TJP3: variants seen among roughly 807,000 people sequenced by gnomAD.
TJP3 encodes tight junction protein 3.
TJP3 carries 85 observed loss-of-function variants against 104.2 expected under a neutral mutation model. That is an observed-to-expected ratio of 0.82 (90% CI 0.68 to 0.98). TJP3 has a LOEUF of 0.98. TJP3 is among the 50% of genes least tolerant of loss of function. TJP3 has a pLI of 0.00. For synonymous variants in TJP3, 550 were observed against 550.6 expected, an observed-to-expected ratio of 1.00 and a Z score of 0.02; for missense variants, 1,367 against 1,322.8, an observed-to-expected ratio of 1.03 and a Z score of -0.52.
At position 3,709,255 on chromosome 19, in the gene TJP3, C is replaced by T. The variant is rs112164535; in HGVS notation, c.-10+694C>T. Reference sequence around the variant, plus strand: ...GGATTACAAGCGCCCACCACTATGCCCAGCTAATTTTTGTATTTTTAGTAG... The same window carrying T: ...GGATTACAAGCGCCCACCACTATGCTCAGCTAATTTTTGTATTTTTAGTAG... On this transcript the variant is annotated intron_variant, in intron 1 of 20. Transcript: ENST00000541714. Among the ~76,000 whole-genome samples, 1,511 of 152,210 alleles carry T rather than the reference C, an allele frequency of 9.9e-3. 27 individuals carry two copies. The highest frequency in any genetic ancestry group is 0.034 in the African/African-American group (1,418 of 41,528).
Position 3,730,004 on chromosome 19 carries a change from G to GT in TJP3, c.159-23dup. 6.2e-7 allele frequency: 1 copy of GT among 1,609,380 alleles called. No homozygotes were observed. Among genetic ancestry groups the GT allele is most frequent in the African/African-American group, 1.3e-5 (1 of 74,870 alleles). On this transcript the variant is annotated intron_variant, in intron 3 of 20. Transcript: ENST00000541714. The surrounding 1 kb of genome is among the most constrained non-coding windows in gnomAD (Gnocchi z 7.3). ...GGGTCTCCCCTGCAAAGCCTCCTCC[G>GT]TAAGACCCGCCCTCCTCTCTCAGGA...
At chr19:3,745,882 G>A in intron 15 of TJP3, 129 bp from the exon 16 acceptor site, 1 of 744,124 alleles carries the variant, frequency 1.3e-6, no homozygotes, top group South Asian at 1.8e-5. Flanking sequence ...TTCTGCTGCT[G>A]TTAGGATTTC....
chr19:3,728,467 C>A lies in TJP3; in HGVS notation c.35C>A (p.Ala12Asp). Residue 12 changes from alanine to aspartate, a missense_variant, in exon 2 of 21, where the codon GCC becomes GAC. Transcript: ENST00000541714. The part of the protein sequence containing the change: ...EELTIWEQHT[A>D]TLSKDPRRGF... ...CTGACCATCTGGGAACAGCACACGG[C>A]CACACTGTCCAAGGTGAGGCCTCCC... 1 of 1,612,356 alleles carries A rather than the reference C, an allele frequency of 6.2e-7. No individual in the cohort carries two copies. The highest frequency in any genetic ancestry group is 8.5e-7 in the Non-Finnish European group (1 of 1,179,396).
chr19:3,738,846 T>C, intron 12 of TJP3, 51 bp from the exon 13 acceptor site: 1 of 1,510,600 alleles, frequency 6.6e-7, no homozygotes. Context: ...TGGGGAGGGC[T>C]CAGATCAGGC....
At position 3,746,555 on chromosome 19, in the gene TJP3, T is replaced by C. The variant is rs373854077; in HGVS notation, c.2081T>C (p.Ile694Thr). The C allele has an allele frequency of 6.1e-5, 99 of 1,613,998 alleles. No homozygotes were observed. Among genetic ancestry groups the C allele is most frequent in the Admixed American group, 2.7e-4 (16 of 60,014 alleles). Reference protein sequence around the residue: ...ERLNYVQYYPIVVFFIPESRP... With the variant: ...ERLNYVQYYPTVVFFIPESRP... Reference sequence around the variant, plus strand: ...CTCAACTATGTGCAGTACTACCCCATTGTGGTCTTCTTCATCCCCGAGAGC... The same window carrying C: ...CTCAACTATGTGCAGTACTACCCCACTGTGGTCTTCTTCATCCCCGAGAGC... Residue 694 changes from isoleucine (I) to threonine (T), a missense_variant, in exon 17 of 21, where the codon ATT (isoleucine) becomes ACT (threonine). Ile to Thr is a moderately conservative substitution (Grantham distance 89). Transcript: ENST00000541714. This position sits in a 1 kb window ranked among gnomAD's most constrained non-coding sequence, Gnocchi z 4.1.
Position 3,743,133 on chromosome 19 carries a change from G to A in TJP3, c.1844-806G>A, listed in dbSNP as rs76410952. The stretch of plus-strand genomic sequence containing the variant: ...ACAAAAATTAGCCAGGCATGGTGGC[G>A]CACGCCTGTAATCCCAGCTACTCAG... On this transcript the variant is annotated intron_variant, in intron 14 of 20. Coordinates refer to ENST00000541714, the MANE Select transcript of TJP3 (RefSeq NM_001267560.2). Among the ~76,000 whole-genome samples, 135 of 151,616 alleles carry A rather than the reference G, an allele frequency of 8.9e-4. No individual in the cohort carries two copies. The East Asian group carries it at 0.022, about 25-fold the overall frequency.
Position 3,733,789 on chromosome 19 carries a change from G to C in TJP3, c.754G>C (p.Asp252His), listed in dbSNP as rs770363841. 1.2e-5 allele frequency: 19 copies of C among 1,614,048 alleles called. No homozygotes were observed. Among genetic ancestry groups the C allele is most frequent in the Non-Finnish European group, 1.6e-5 (19 of 1,180,046 alleles). ...GTCTAGCCAGAACCTGTCACTGAACGACACCCGGCGACTGATTGAGAAGTC... is the reference window on the plus strand; with the variant it reads ...GTCTAGCCAGAACCTGTCACTGAACCACACCCGGCGACTGATTGAGAAGTC... The part of the protein sequence containing the change: ...GVSSQNLSLN[D>H]TRRLIEKSEG... The change falls in exon 7 of 21, where the codon GAC becomes CAC. Residue 252 changes from aspartate (D) to histidine (H), a missense_variant. By Grantham distance (81) the Asp-to-His change is moderately conservative. Transcript: ENST00000541714.
chr19:3,748,063 G>T lies in TJP3; in HGVS notation c.2592G>T (p.Ser864=). Residue 864 remains serine (S), a synonymous_variant, in exon 19 of 21, where the codon TCG becomes TCT. Transcript: ENST00000541714. ...GCCCGAGGGATCGTGGGAGAATCTC[G>T]GCTCATCAGGGGGCCCAGGTGCGTC... is the stretch of plus-strand genomic sequence containing the variant. ...SQSPRDRGRI[S]AHQGAQVDSR... The T allele has an allele frequency of 1.3e-6, 2 of 1,574,192 alleles. No homozygotes were observed. The highest frequency in any genetic ancestry group is 8.6e-7 in the Non-Finnish European group (1 of 1,159,804).
intron 11 of TJP3, 62 bp from the exon 12 acceptor site, chr19:3,738,493 G>A: frequency 6.9e-7 from 1 of 1,443,662 alleles, no homozygotes; most frequent in Non-Finnish European, 9.6e-7. Flanking sequence ...GAAGGTCCAG[G>A]ATCTCATGCA....
At chr19:3,744,884 C>T (rs937201847) in intron 15 of TJP3, among the ~76,000 whole-genome samples, 31 of 151,988 alleles carry the variant, frequency 2.0e-4, no homozygotes, top group African/African-American at 7.2e-4. Flanking sequence ...GCAGAGATCA[C>T]GCCACTGCGC....
Position 3,733,638 on chromosome 19 carries a change from T to C in TJP3, c.718-115T>C, listed in dbSNP as rs1297294788. The C allele has an allele frequency of 2.0e-6, 3 of 1,473,128 alleles. No individual in the cohort carries two copies. The Admixed American group carries it at 5.6e-5, about 27-fold the overall frequency. The allele number at this position is 1,473,128 out of a possible 1,614,324, so 91.3% of individuals were successfully genotyped here. ...AACACTTTCCTTAGGGAGTGGCTGT[T>C]TTTAGCAACCTCTGGGGGAATTGTC... On this transcript the variant is annotated intron_variant, in intron 6 of 20. Transcript: ENST00000541714.
At chr19:3,722,887 G>C (rs1189658094) in intron 1 of TJP3, among the ~76,000 whole-genome samples, 14 of 123,140 alleles carry the variant, frequency 1.1e-4, no homozygotes, top group Non-Finnish European at 1.4e-4. Flanking sequence ...ACGGCGGCCC[G>C]GGAGCCCCGT....
chr19:3,736,314 T>C lies in TJP3; in HGVS notation c.1277T>C (p.Ile426Thr). The C allele has an allele frequency of 1.3e-6, 2 of 1,532,200 alleles. No homozygotes were observed. Among genetic ancestry groups the C allele is most frequent in the Non-Finnish European group, 1.8e-6 (2 of 1,140,422 alleles). The allele number at this position is 1,532,200 out of a possible 1,614,324, so 94.9% of individuals were successfully genotyped here. Reference protein sequence around the residue: ...DGQGIQEGDQILQVNDVPFQN... With the variant: ...DGQGIQEGDQTLQVNDVPFQN... The stretch of plus-strand genomic sequence containing the variant: ...CAGGGCATCCAGGAGGGAGATCAGA[T>C]TCTGCAGGTGCTCCGGGGGCGGCTG... The change falls in exon 11 of 21, where the codon ATT (isoleucine) becomes ACT (threonine). Residue 426 changes from isoleucine (I) to threonine (T), a missense_variant. Physicochemically the swap from Ile to Thr is moderately conservative, Grantham distance 89. Coordinates refer to ENST00000541714, the MANE Select transcript of TJP3 (RefSeq NM_001267560.2).
rs1568385388 is a variant in TJP3 at position 3,738,881 on chromosome 19, C to T, written c.1394-16C>T. The T allele has an allele frequency of 1.3e-6, 2 of 1,564,880 alleles. No individual in the cohort carries two copies. The highest frequency in any genetic ancestry group is 1.2e-5 in the South Asian group (1 of 84,134). ...CAGCAGCCCAGGCAGCTCATGTGGCCTCCCGCTCTCCCCAGTTTTCTGGAA... is the reference window on the plus strand; with the variant it reads ...CAGCAGCCCAGGCAGCTCATGTGGCTTCCCGCTCTCCCCAGTTTTCTGGAA... On this transcript the variant is annotated splice_polypyrimidine_tract_variant and intron_variant, in intron 12 of 20. Coordinates refer to ENST00000541714, the MANE Select transcript of TJP3 (RefSeq NM_001267560.2).
chr19:3,726,796 G>C (rs146589911), intron 1 of TJP3, among the ~76,000 whole-genome samples: 9 of 151,390 alleles, frequency 5.9e-5, no homozygotes, highest in Non-Finnish European at 1.3e-4. Context: ...CCAGGAGTTC[G>C]AGGCTGCAGT....
At chr19:3,747,253 G>GTT (rs1171392993) in intron 18 of TJP3, among the ~76,000 whole-genome samples, 2 of 152,032 alleles carry the variant, frequency 1.3e-5, no homozygotes, top group African/African-American at 4.8e-5. Context: ...CAGAGACGAG[G>GTT]TTTCACCATG....
intron 11 of TJP3, 147 bp downstream of exon 11, chr19:3,736,468 G>A: frequency 1.2e-6 from 1 of 812,164 alleles, no homozygotes; most frequent in Non-Finnish European, 1.7e-6. Context: ...GTGTCTCCTT[G>A]GCTGTGTCAT....
chr19:3,708,759 T>C (rs1384494714), intron 1 of TJP3, among the ~76,000 whole-genome samples, 198 bp downstream of exon 1: 1 of 152,184 alleles, frequency 6.6e-6, no homozygotes, highest in African/African-American at 2.4e-5. Context: ...CGGCAGTTAC[T>C]GCACCTGGCG....
chr19:3,729,452 G>A (rs1599151045), intron 3 of TJP3, among the ~76,000 whole-genome samples: 1 of 152,136 alleles, frequency 6.6e-6, no homozygotes, highest in East Asian at 1.9e-4. Flanking sequence ...GATTTGTGGT[G>A]TGGGGAGCGA....
Sources: gnomAD v4.1 joint callset for allele counts (sites outside exome capture counted in the v4.1 genomes callset) on GRCh38, gnomAD v4.1.1 for gene constraint, Gnocchi (gnomAD v3.1) non-coding constraint, MANE v1.5 for transcripts, NCBI Gene and HGNC (gene_info 2026-07-23, HGNC 2026-07-21) for gene names.